BMP5: variants seen among roughly 807,000 people sequenced by gnomAD.
BMP5 encodes the protein bone morphogenetic protein 5.
BMP5 carries 23 observed loss-of-function variants against 46.6 expected under a neutral mutation model. The ratio of observed to expected loss-of-function variants is 0.49; its 90% CI spans 0.35 to 0.70. BMP5 has a LOEUF of 0.70. Among genes scored for constraint, BMP5 ranks in the 30% least tolerant of loss-of-function variants. BMP5 has a pLI of 0.00. For synonymous variants in BMP5, 204 were observed against 191.9 expected (o/e 1.06, Z -0.52); for missense variants, 545 against 565.6 (o/e 0.96, Z 0.37).
In BMP5 at chr6:55,794,347, G is replaced by T; in HGVS notation, c.764C>A (p.Thr255Asn). The change falls in exon 3 of 7, where the codon ACC becomes AAC. Residue 255 changes from threonine (T) to asparagine (N), a missense_variant. Physicochemically the swap from Thr to Asn is moderately conservative, Grantham distance 65. Coordinates refer to ENST00000370830, the MANE Select transcript of BMP5 (RefSeq NM_021073.4). ...GGGATTAATCACCCAATGATTGCTG[G>T]TCACAGTGATATCAAAGACAAGCCA... Reference protein sequence around the residue: ...VGWLVFDITVTSNHWVINPQN... With the variant: ...VGWLVFDITVNSNHWVINPQN... 2 of 1,613,920 alleles carry T rather than the reference G, an allele frequency of 1.2e-6. No homozygotes were observed. The highest frequency in any genetic ancestry group is 1.7e-6 in the Non-Finnish European group (2 of 1,179,880).
rs1478097695 is a variant in BMP5 at position 55,834,835 on chromosome 6, C to T, written c.491-14988G>A. 2.0e-5 allele frequency among the ~76,000 whole-genome samples: 3 copies of T among 152,140 alleles called. No homozygotes were observed. In the East Asian group the frequency reaches 5.8e-4, roughly 29 times the overall value. On this transcript the variant is annotated intron_variant, in intron 1 of 6. Coordinates refer to ENST00000370830, the MANE Select transcript of BMP5 (RefSeq NM_021073.4). ...GCGGCTCACGCCTGTAATCCCAGCA[C>T]TTTGGGAAGTTGAGGCAGGTGGACC...
rs189921292 is a variant in BMP5 at position 55,822,168 on chromosome 6, T to C, written c.491-2321A>G. Reference sequence around the variant, plus strand: ...CCAGGCATTTGGTGTCACCAATCCATGGTTGTTAAATGTCAGGATATGCTG... The same window carrying C: ...CCAGGCATTTGGTGTCACCAATCCACGGTTGTTAAATGTCAGGATATGCTG... On this transcript the variant is annotated intron_variant, in intron 1 of 6. Coordinates refer to ENST00000370830, the MANE Select transcript of BMP5 (RefSeq NM_021073.4). Among the ~76,000 whole-genome samples, 486 of 152,274 alleles carry C rather than the reference T, an allele frequency of 3.2e-3. 2 individuals carry two copies. Among genetic ancestry groups the C allele is most frequent in the South Asian group, 0.021 (102 of 4,828 alleles).
intron 2 of BMP5, among the ~76,000 whole-genome samples, chr6:55,815,755 A>T (rs1051790970): frequency 2.6e-5 from 4 of 152,210 alleles, no homozygotes; most frequent in African/African-American, 9.6e-5. Flanking sequence ...TGAACTAAGC[A>T]TCAATATCCA....
intron 3 of BMP5, among the ~76,000 whole-genome samples, chr6:55,788,537 G>T (rs1177717257): frequency 1.3e-5 from 2 of 151,780 alleles, no homozygotes; most frequent in African/African-American, 4.8e-5. Context: ...CACAATAAAA[G>T]AACTAGTCCC....
chr6:55,779,546 A>T (rs1273146531), intron 3 of BMP5, among the ~76,000 whole-genome samples: 1 of 152,048 alleles, frequency 6.6e-6, no homozygotes, highest in Non-Finnish European at 1.5e-5. Flanking sequence ...TTAGAAACTG[A>T]TCATTTAAAA....
At chr6:55,771,170 C>T (rs1775038518) in intron 4 of BMP5, among the ~76,000 whole-genome samples, 1 of 151,728 alleles carries the variant, frequency 6.6e-6, no homozygotes, top group Non-Finnish European at 1.5e-5. Flanking sequence ...ACATGGTATG[C>T]CTGTACTCTA....
chr6:55,758,554 A>G (rs1216494188), intron 6 of BMP5, among the ~76,000 whole-genome samples: 1 of 151,932 alleles, frequency 6.6e-6, no homozygotes, highest in African/African-American at 2.4e-5. Context: ...TTAGCTTCCT[A>G]TTTGTATACT....
At chr6:55,794,631 TA>T (rs1562041335) in intron 2 of BMP5, among the ~76,000 whole-genome samples, 2 of 152,198 alleles carry the variant, frequency 1.3e-5, no homozygotes, top group Non-Finnish European at 2.9e-5. Flanking sequence ...TACAAATTAG[TA>T]ATCTCTATCT....
chr6:55,774,234 A>C lies in BMP5; in HGVS notation c.842T>G (p.Ile281Ser). 1 of 1,612,786 alleles carries C rather than the reference A, an allele frequency of 6.2e-7. No homozygotes were observed. Among genetic ancestry groups the C allele is most frequent in the Non-Finnish European group, 8.5e-7 (1 of 1,179,184 alleles). ...LCAETGDGRS[I>S]NVKSAGLVGR... ...CACAAGACCAGCAGATTTTACGTTGATACTGCGTCCTAGAACGTAATACAA... is the reference window on the plus strand; with the variant it reads ...CACAAGACCAGCAGATTTTACGTTGCTACTGCGTCCTAGAACGTAATACAA... Residue 281 changes from isoleucine (I) to serine (S), a missense_variant, in exon 4 of 7, where the codon ATC (isoleucine) becomes AGC (serine). By Grantham distance (142) the Ile-to-Ser change is moderately radical (BLOSUM62 -2). Transcript: ENST00000370830.
chr6:55,806,168 C>G (rs1476461278), intron 2 of BMP5, among the ~76,000 whole-genome samples: 1 of 152,044 alleles, frequency 6.6e-6, no homozygotes, highest in Non-Finnish European at 1.5e-5. Flanking sequence ...AATGGTATTG[C>G]CTAGGTTTTC....
chr6:55,837,026 T>C (rs1776811401), intron 1 of BMP5, among the ~76,000 whole-genome samples: 1 of 152,114 alleles, frequency 6.6e-6, no homozygotes, highest in East Asian at 1.9e-4. Context: ...CTGAAAATTA[T>C]GTAACTAGAA....
intron 2 of BMP5, among the ~76,000 whole-genome samples, chr6:55,816,505 T>C (rs550702480): frequency 2.0e-5 from 3 of 152,252 alleles, no homozygotes; most frequent in East Asian, 3.9e-4. Context: ...CCTGGCCCTA[T>C]AAGAAAATAA....
intron 2 of BMP5, among the ~76,000 whole-genome samples, chr6:55,801,178 G>A (rs1775841333): frequency 6.6e-6 from 1 of 152,208 alleles, no homozygotes; most frequent in South Asian, 2.1e-4. Context: ...TGGCTGCAAA[G>A]GAAATTTGGG....
chr6:55,759,146 A>ACAC (rs112492283), intron 5 of BMP5, 31 bp from the exon 6 acceptor site: 99 of 143,258 alleles, frequency 6.9e-4, no homozygotes, highest in East Asian at 9.3e-4. Context: ...CACACACACA[A>ACAC]AAAAAAAAAA....
intron 3 of BMP5, among the ~76,000 whole-genome samples, chr6:55,790,531 C>T (rs1007768508): frequency 2.0e-5 from 3 of 152,144 alleles, no homozygotes; most frequent in Non-Finnish European, 4.4e-5. Flanking sequence ...TTTCATATTC[C>T]TTACATGATT....
chr6:55,794,589 AC>A (rs1001396918), intron 2 of BMP5, among the ~76,000 whole-genome samples, 162 bp from the exon 3 acceptor site: 8 of 152,250 alleles, frequency 5.3e-5, no homozygotes, highest in African/African-American at 1.9e-4. Context: ...AAGATACAAA[AC>A]CTTTGTTACT....
chr6:55,760,507 CT>C lies in BMP5; in HGVS notation c.1053del (p.Ala352ProfsTer9). The C allele has an allele frequency of 6.2e-7, 1 of 1,613,110 alleles. No individual in the cohort carries two copies. Among genetic ancestry groups the C allele is most frequent in the Non-Finnish European group, 8.5e-7 (1 of 1,179,310 alleles). ...VGDYNTSEQK[Q>X]ACKKHELYVS... ...ACATAGAGTTCGTGCTTCTTACAGG[CT>C]TGTTTTTGCTCACTTGTGTTATAAT... On this transcript the variant is annotated frameshift_variant, in exon 5 of 7. Transcript: ENST00000370830. LOFTEE classifies it high-confidence loss of function.
intron 3 of BMP5, among the ~76,000 whole-genome samples, chr6:55,783,374 T>C (rs972213623): frequency 1.3e-5 from 2 of 152,062 alleles, no homozygotes. Flanking sequence ...CTTTGTTTTT[T>C]GTTTGTTTGT....
intron 2 of BMP5, among the ~76,000 whole-genome samples, chr6:55,816,601 T>C (rs1319964810): frequency 1.3e-5 from 2 of 152,140 alleles, no homozygotes; most frequent in African/African-American, 4.8e-5. Context: ...AGGTAGTCAG[T>C]GTTAAAGTTG....
Sources: gnomAD v4.1 joint callset for allele counts (sites outside exome capture counted in the v4.1 genomes callset) on GRCh38, gnomAD v4.1.1 for gene constraint, MANE v1.5 for transcripts, NCBI Gene and HGNC (gene_info 2026-07-23, HGNC 2026-07-21) for gene names.